The following EMC1 variants were observed in gnomAD, a reference collection of about 807,000 sequenced individuals.
EMC1 encodes KIAA0090.
EMC1 carries 103 observed loss-of-function variants against 128.8 expected under a neutral mutation model. That is an observed-to-expected ratio of 0.80 (90% CI 0.68 to 0.94). EMC1 has a LOEUF of 0.94. EMC1 is among the 40% of genes least tolerant of loss of function. EMC1 has a pLI of 0.00. For missense variants in EMC1, 1,083 were observed against 1,250.6 expected (o/e 0.87, Z 2.02); for synonymous variants, 442 against 490.4 (o/e 0.90, Z 1.30).
At chr1:19,235,070 T>C (rs766097687) in intron 13 of EMC1, 60 bp downstream of exon 13, 105 of 1,584,706 alleles carry the variant, frequency 6.6e-5, no homozygotes, top group Non-Finnish European at 8.3e-5. Flanking sequence ...GTGTCTCTTG[T>C]GGTCATTTCC....
chr1:19,235,027 G>A (rs2093552545), intron 13 of EMC1, 103 bp downstream of exon 13: 1 of 1,397,262 alleles, frequency 7.2e-7, no homozygotes, highest in Non-Finnish European at 9.7e-7. Context: ...CTAGCAATCT[G>A]CCCAGCCTAG....
At chr1:19,228,266 C>A (rs2093492754) in intron 17 of EMC1, among the ~76,000 whole-genome samples, 1 of 151,656 alleles carries the variant, frequency 6.6e-6, no homozygotes, top group Non-Finnish European at 1.5e-5. Context: ...TCAATAGTAT[C>A]CCGTTGTTTA....
intron 18 of EMC1, among the ~76,000 whole-genome samples, chr1:19,224,173 T>A (rs995139288): frequency 2.0e-4 from 31 of 152,198 alleles, no homozygotes; most frequent in Admixed American, 1.7e-3. Context: ...AGTTTCTTCA[T>A]GGTGGAACAC....
chr1:19,236,899 T>C (rs1466364774), intron 12 of EMC1, among the ~76,000 whole-genome samples: 4 of 131,598 alleles, frequency 3.0e-5, no homozygotes, highest in African/African-American at 1.2e-4. Flanking sequence ...ATCCGAAAGG[T>C]GGAGATTGCA....
intron 11 of EMC1, among the ~76,000 whole-genome samples, chr1:19,237,562 C>G (rs2093575168): frequency 6.6e-6 from 1 of 152,126 alleles, no homozygotes; most frequent in South Asian, 2.1e-4. Context: ...AACGAAGAAG[C>G]CACAGCCCAA....
Position 19,243,708 on chromosome 1 carries a change from C to T in EMC1, c.287-1G>A, listed in dbSNP as rs751484278. On this transcript the variant is annotated splice_acceptor_variant, in intron 3 of 22. Transcript: ENST00000477853. LOFTEE classifies it high-confidence loss of function. ...CCTCCATTGGACACAGTGATCACAT[C>T]TGGAAAAGAAAAGATCGTGGTGAAG... 1.4e-5 allele frequency: 23 copies of T among 1,614,012 alleles called. No homozygotes were observed. Among genetic ancestry groups the T allele is most frequent in the African/African-American group, 2.7e-5 (2 of 74,930 alleles).
Position 19,241,065 on chromosome 1 carries a change from T to C in EMC1, c.587A>G (p.His196Arg). 1.2e-6 allele frequency: 2 copies of C among 1,614,176 alleles called. No individual in the cohort carries two copies. The highest frequency in any genetic ancestry group is 2.2e-5 in the South Asian group (2 of 91,078). The change falls in exon 6 of 23, where the codon CAT becomes CGT. Residue 196 changes from histidine (H) to arginine (R), a missense_variant. Coordinates refer to ENST00000477853, the MANE Select transcript of EMC1 (RefSeq NM_015047.3). Reference protein sequence around the residue: ...VWALGVVPFSHVNIVKFNVED... With the variant: ...VWALGVVPFSRVNIVKFNVED... The stretch of plus-strand genomic sequence containing the variant: ...CACATTAAACTTGACAATGTTCACA[T>C]GGCTGAAGGGAACAACTCCGAGGGC...
Position 19,223,519 on chromosome 1 carries a change from G to A in EMC1, c.2253C>T (p.His751=), listed in dbSNP as rs779927621. 1.9e-6 allele frequency: 3 copies of A among 1,614,174 alleles called. No individual in the cohort carries two copies. The highest frequency in any genetic ancestry group is 1.1e-5 in the South Asian group (1 of 91,086). ...AGATGCCAATAAAGGTGCGCTCATG[G>A]TGCGCGTCTGTGCTCTCTGTCACCA... ...LAVVTESTDA[H]HERTFIGIFL... The change falls in exon 19 of 23, where the codon CAC becomes CAT. Residue 751 remains histidine (H), a synonymous_variant. Coordinates refer to ENST00000477853, the MANE Select transcript of EMC1 (RefSeq NM_015047.3).
Position 19,243,954 on chromosome 1 carries a change from T to A in EMC1, c.282A>T (p.Gly94=), listed in dbSNP as rs199608158. The change falls in exon 3 of 23, where the codon GGA becomes GGT. Residue 94 remains glycine (G), a synonymous_variant. Transcript: ENST00000477853. ...EGAVDAMLLH[G]QDVITVSNGG... is the part of the protein sequence containing the mutation. The stretch of plus-strand genomic sequence containing the variant: ...ACACGGGAGGACTCTGCTTACCCTG[T>A]CCGTGCAGCAGCATGGCATCCACAG... 1 of 1,614,058 alleles carries A rather than the reference T, an allele frequency of 6.2e-7. No individual in the cohort carries two copies. Among genetic ancestry groups the A allele is most frequent in the Non-Finnish European group, 8.5e-7 (1 of 1,179,970 alleles).
intron 5 of EMC1, 105 bp downstream of exon 5, chr1:19,242,240 G>T (rs2093610347): frequency 8.0e-7 from 1 of 1,247,490 alleles, no homozygotes; most frequent in Non-Finnish European, 1.1e-6. Flanking sequence ...ACACCAACAA[G>T]AGACAGGCCT....
chr1:19,248,054 C>A (rs1369456005), intron 1 of EMC1, among the ~76,000 whole-genome samples: 4 of 151,634 alleles, frequency 2.6e-5, no homozygotes, highest in Non-Finnish European at 5.9e-5. Context: ...CAGAAACAGG[C>A]ATTGTTATCA....
rs1162132208 is a variant in EMC1 at position 19,228,353 on chromosome 1, T to C, written c.2065-903A>G. The stretch of plus-strand genomic sequence containing the variant: ...GATCCCTGTATACTGGGGCCAGCAG[T>C]GAATGTCTAAGCTAACAGGGAGCTC... On this transcript the variant is annotated intron_variant, in intron 17 of 22. Coordinates refer to ENST00000477853, the MANE Select transcript of EMC1 (RefSeq NM_015047.3). Among the ~76,000 whole-genome samples the C allele has an allele frequency of 1.1e-4, 17 of 152,204 alleles. 1 individual carries two copies. The highest frequency in any genetic ancestry group is 1.1e-3 in the Admixed American group (17 of 15,282).
At chr1:19,246,251 G>T (rs544618063) in intron 1 of EMC1, among the ~76,000 whole-genome samples, 3 of 151,988 alleles carry the variant, frequency 2.0e-5, no homozygotes, top group African/African-American at 7.2e-5. Context: ...TTAGCTGGGC[G>T]TGGTGGCACG....
At position 19,251,473 on chromosome 1, in the gene EMC1, C is replaced by G; in HGVS notation, c.37G>C (p.Ala13Pro). Residue 13 changes from alanine to proline, a missense_variant, in exon 1 of 23, where the codon GCT (alanine) becomes CCT (proline). Coordinates refer to ENST00000477853, the MANE Select transcript of EMC1 (RefSeq NM_015047.3). ...AEWASRFWLW[A>P]TLLIPAAAVY... The stretch of plus-strand genomic sequence containing the variant: ...GCGGCCGCAGGAATCAGCAGCGTAG[C>G]CCAAAGCCAGAAACGAGAAGCCCAC... 6.2e-7 allele frequency: 1 copy of G among 1,614,184 alleles called. No homozygotes were observed. Among genetic ancestry groups the G allele is most frequent in the South Asian group, 1.1e-5 (1 of 91,090 alleles).
At chr1:19,249,242 C>T (rs1373937268) in intron 1 of EMC1, among the ~76,000 whole-genome samples, 1 of 150,668 alleles carries the variant, frequency 6.6e-6, no homozygotes, top group Non-Finnish European at 1.5e-5. Flanking sequence ...ACAGTAATGT[C>T]CTAAGCCTTT....
chr1:19,247,752 C>T (rs1000316011), intron 1 of EMC1, among the ~76,000 whole-genome samples: 1 of 152,158 alleles, frequency 6.6e-6, no homozygotes, highest in Non-Finnish European at 1.5e-5. Flanking sequence ...AAGCTGGCCG[C>T]AGTGGCTCAT....
At chr1:19,221,118 T>G (rs896548772) in intron 20 of EMC1, 11 of 266,720 alleles carry the variant, frequency 4.1e-5, no homozygotes, top group Admixed American at 5.1e-5. Context: ...AAGAGAAAAA[T>G]GTAGAAGGCC....
At position 19,237,119 on chromosome 1, in the gene EMC1, T is replaced by G. The variant is rs77694629; in HGVS notation, c.1309+23A>C. ...TGGAAGGCCTGGGGAAATAAAAAAA[T>G]GGGTTGAATGAGGTCTACTTACCCA... On this transcript the variant is annotated intron_variant, in intron 12 of 22. Coordinates refer to ENST00000477853, the MANE Select transcript of EMC1 (RefSeq NM_015047.3). The G allele has an allele frequency of 1.1e-3, 1,785 of 1,558,028 alleles. 34 individuals carry two copies. The East Asian group carries it at 0.029, about 25-fold the overall frequency.
At chr1:19,223,264 C>T in intron 19 of EMC1, 132 bp downstream of exon 19, 7 of 814,332 alleles carry the variant, frequency 8.6e-6, no homozygotes, top group South Asian at 3.4e-5. Flanking sequence ...GTGCCCTAAC[C>T]GGCACGCTTT....
Sources: gnomAD v4.1 joint callset for allele counts (sites outside exome capture counted in the v4.1 genomes callset) on GRCh38, gnomAD v4.1.1 for gene constraint, MANE v1.5 for transcripts, NCBI Gene and HGNC (gene_info 2026-07-23, HGNC 2026-07-21) for gene names.